The following FUT8 variants were observed in gnomAD, a reference collection of about 807,000 sequenced individuals.
FUT8 encodes the protein alpha-(1,6)-fucosyltransferase.
In FUT8, 29 loss-of-function variants were observed where a neutral mutation model predicts 71.3. That is an observed-to-expected ratio of 0.41 (90% CI 0.30 to 0.55). The LOEUF is 0.55. Among genes scored for constraint, FUT8 ranks in the 20% least tolerant of loss-of-function variants. The pLI is 0.34. For synonymous variants in FUT8, 254 were observed against 239.3 expected, an observed-to-expected ratio of 1.06 and a Z score of -0.57; for missense variants, 544 against 702.1, an observed-to-expected ratio of 0.77 and a Z score of 2.55.
intron 5 of FUT8, among the ~76,000 whole-genome samples, chr14:65,622,265 T>C (rs1889654916): frequency 6.6e-6 from 1 of 150,926 alleles, no homozygotes; most frequent in Non-Finnish European, 1.5e-5. Context: ...CTTTTTCTCT[T>C]CTACGTACGG....
At chr14:65,575,583 C>CCTTCCTTCT (rs1268286699) in intron 3 of FUT8, among the ~76,000 whole-genome samples, 5 of 2,914 alleles carry the variant, frequency 1.7e-3, no homozygotes, top group African/African-American at 2.3e-3. Context: ...TTCCTTCCTT[C>CCTTCCTTCT]TTCCTTCCTT....
chr14:65,735,266 A>G (rs960425303), intron 10 of FUT8, among the ~76,000 whole-genome samples: 7 of 151,932 alleles, frequency 4.6e-5, no homozygotes, highest in Non-Finnish European at 1.0e-4. Context: ...TTGGATCCTC[A>G]TAACTCCAAT....
intron 1 of FUT8, among the ~76,000 whole-genome samples, chr14:65,437,245 AG>A (rs1466851343): frequency 6.6e-6 from 1 of 152,232 alleles, no homozygotes; most frequent in African/African-American, 2.4e-5. Flanking sequence ...ATCAAACAAA[AG>A]CTTAGGGTAT....
In FUT8 at chr14:65,415,682, CTT is replaced by C. The variant is rs59874921; in HGVS notation, c.-326+2483_-326+2484del. On this transcript the variant is annotated intron_variant, in intron 1 of 10. Transcript: ENST00000673929. The stretch of plus-strand genomic sequence containing the variant: ...TATTTATCAAAAGTAGATATAATTC[CTT>C]TTTTTTTTTTTTTTAAAGTAGAGAT... 9.8e-3 allele frequency among the ~76,000 whole-genome samples: 1,377 copies of C among 140,934 alleles called. 38 individuals are homozygous for C. The highest frequency in any genetic ancestry group is 0.096 in the East Asian group (483 of 5,006). 92.5% of individuals were successfully genotyped at this position (140,934 alleles called of 152,430 possible). A position where few individuals can be genotyped will look rare whatever the true frequency, so the allele number is the denominator to read the frequency against.
chr14:65,524,697 G>T (rs1390018489), intron 2 of FUT8, among the ~76,000 whole-genome samples: 1 of 152,118 alleles, frequency 6.6e-6, no homozygotes, highest in Admixed American at 6.5e-5. Context: ...TCAGTATGAT[G>T]TTGGTTGTGG....
intron 2 of FUT8, among the ~76,000 whole-genome samples, chr14:65,465,005 A>G (rs1050409784): frequency 3.3e-5 from 5 of 152,190 alleles, no homozygotes; most frequent in African/African-American, 1.2e-4. Context: ...TTAAAAATTG[A>G]TTTAGGCTTA....
At chr14:65,582,848 G>C (rs888705387) in intron 3 of FUT8, among the ~76,000 whole-genome samples, 9 of 152,154 alleles carry the variant, frequency 5.9e-5, no homozygotes, top group Admixed American at 4.6e-4. Context: ...TTGATTTGGG[G>C]AACATTGTAC....
At chr14:65,570,673 A>AAC (rs575824051) in intron 3 of FUT8, among the ~76,000 whole-genome samples, 10 of 152,026 alleles carry the variant, frequency 6.6e-5, no homozygotes, top group Admixed American at 2.6e-4. Flanking sequence ...ATTCCCTTTT[A>AAC]ACCTTCTATT....
chr14:65,470,952 A>G (rs1050319854), intron 2 of FUT8: 4 of 373,542 alleles, frequency 1.1e-5, no homozygotes, highest in Non-Finnish European at 2.1e-5. Context: ...CGCCATCACT[A>G]TTAGAGGCTA....
chr14:65,359,020 T>A, the FUT8 span, among the ~76,000 whole-genome samples: 1 of 152,172 alleles, frequency 6.6e-6, no homozygotes, highest in Non-Finnish European at 1.5e-5. Context: ...TAATACTGAG[T>A]CCATATTCAC....
At chr14:65,708,583 T>G (rs2140505891) in intron 7 of FUT8, among the ~76,000 whole-genome samples, 1 of 152,332 alleles carries the variant, frequency 6.6e-6, no homozygotes, top group Non-Finnish European at 1.5e-5. Context: ...CCTCCTGTTT[T>G]ATTTTTTGAT....
chr14:65,687,818 T>G (rs1453676169), intron 7 of FUT8, among the ~76,000 whole-genome samples: 2 of 146,086 alleles, frequency 1.4e-5, no homozygotes, highest in African/African-American at 5.1e-5. Context: ...ACTGCAGCCT[T>G]GAACTCTTGG....
In FUT8 at chr14:65,554,989, G is replaced by A. The variant is rs12436482; in HGVS notation, c.-227-6348G>A. Among the ~76,000 whole-genome samples the A allele has an allele frequency of 5.8e-3, 877 of 152,134 alleles. 31 individuals carry two copies. In the East Asian group the frequency reaches 0.093, roughly 16 times the overall value. ...GTAGCTTGTTTTTAAGCTTTGTTAG[G>A]GCTCTTGTTGGCATAGCTTTTATTC... On this transcript the variant is annotated intron_variant, in intron 2 of 10. Coordinates refer to ENST00000673929, the MANE Select transcript of FUT8 (RefSeq NM_001371533.1).
At chr14:65,478,331 G>C (rs148990890) in intron 2 of FUT8, among the ~76,000 whole-genome samples, 2 of 152,022 alleles carry the variant, frequency 1.3e-5, no homozygotes, top group Non-Finnish European at 2.9e-5. Flanking sequence ...AATCCAAAAC[G>C]TTCCAAAATC....
At chr14:65,391,310 G>C in the FUT8 span, among the ~76,000 whole-genome samples, 2 of 152,146 alleles carry the variant, frequency 1.3e-5, no homozygotes, top group African/African-American at 4.8e-5. Context: ...AGATGATGTA[G>C]CTGTTTGAAA....
intron 3 of FUT8, among the ~76,000 whole-genome samples, chr14:65,605,377 C>T (rs1888526946): frequency 6.6e-6 from 1 of 151,918 alleles, no homozygotes. Context: ...CCCTAAACCC[C>T]AGTCCCTCAG....
chr14:65,396,563 A>G, the FUT8 span, among the ~76,000 whole-genome samples: 7 of 152,212 alleles, frequency 4.6e-5, no homozygotes, highest in Admixed American at 6.5e-5. This position sits in a 1 kb window ranked among gnomAD's most constrained non-coding sequence, Gnocchi z 5.5. Context: ...TTCATGATTC[A>G]ATTATCTCAC....
At chr14:65,719,982 A>G (rs1302471954) in intron 7 of FUT8, among the ~76,000 whole-genome samples, 2 of 152,170 alleles carry the variant, frequency 1.3e-5, no homozygotes, top group Non-Finnish European at 2.9e-5. Flanking sequence ...TGTTGGCTCA[A>G]AGTTCTAGGG....
chr14:65,727,813 T>C (rs7146829), intron 9 of FUT8, among the ~76,000 whole-genome samples: 54,767 of 152,086 alleles, frequency 0.36, 12,219 homozygotes, highest in Non-Finnish European at 0.5. Context: ...TATGCTCTGC[T>C]CCCCTTATAA....
Sources: gnomAD v4.1 joint callset for allele counts (sites outside exome capture counted in the v4.1 genomes callset) on GRCh38, gnomAD v4.1.1 for gene constraint, Gnocchi (gnomAD v3.1) non-coding constraint, MANE v1.5 for transcripts, NCBI Gene and HGNC (gene_info 2026-07-23, HGNC 2026-07-21) for gene names.